The following JAZF1 variants were observed in gnomAD, a reference collection of about 807,000 sequenced individuals.
JAZF1 encodes the protein JAZF zinc finger 1.
A neutral mutation model predicts 26.4 loss-of-function variants in JAZF1; 8 were observed. The observed-to-expected ratio is 0.30, with a 90% CI of 0.18 to 0.55. The LOEUF (loss-of-function observed/expected upper bound fraction) is 0.55, where lower values mean the gene tolerates loss of function less well. Among genes scored for constraint, JAZF1 ranks in the 20% least tolerant of loss-of-function variants. The probability of loss-of-function intolerance (pLI) is 0.94; values close to 1 mark genes in which losing one functional copy is unlikely to be tolerated. For synonymous variants in JAZF1, 126 were observed against 122.3 expected (o/e 1.03, Z -0.20); for missense variants, 199 against 322.0 (o/e 0.62, Z 2.92).
At chr7:28,000,125 GAGTATTAGTTGCAGTATT>G (rs373522214) in intron 1 of JAZF1, among the ~76,000 whole-genome samples, 11 of 152,266 alleles carry the variant, frequency 7.2e-5, no homozygotes, top group African/African-American at 2.2e-4. Flanking sequence ...GTGAGTTGAA[GAGTATTAGTTGCAGTATT>G]AGTATTAGTT....
At chr7:27,944,160 T>C (rs1784893115) in intron 2 of JAZF1, among the ~76,000 whole-genome samples, 1 of 152,320 alleles carries the variant, frequency 6.6e-6, no homozygotes, top group African/African-American at 2.4e-5. Context: ...CTCTGAACAC[T>C]ACTACAAAAG....
intron 1 of JAZF1, among the ~76,000 whole-genome samples, chr7:27,998,217 A>T (rs1230525348): frequency 6.6e-6 from 1 of 152,178 alleles, no homozygotes. Flanking sequence ...TTATTGGGCC[A>T]GCATTTGGAC....
chr7:27,850,314 G>C (rs77945099), intron 3 of JAZF1, among the ~76,000 whole-genome samples: 1 of 152,146 alleles, frequency 6.6e-6, no homozygotes, highest in Non-Finnish European at 1.5e-5. Flanking sequence ...CTGGGACCAC[G>C]GGCCATGCCT....
At chr7:27,852,063 G>C (rs956363635) in intron 3 of JAZF1, among the ~76,000 whole-genome samples, 1 of 151,964 alleles carries the variant, frequency 6.6e-6, no homozygotes, top group Admixed American at 6.6e-5. Flanking sequence ...ATTCAAAAGT[G>C]AGCCTGTGTT....
chr7:27,929,847 C>T (rs763954586), intron 2 of JAZF1, among the ~76,000 whole-genome samples: 2 of 152,014 alleles, frequency 1.3e-5, no homozygotes, highest in Admixed American at 6.6e-5. Context: ...GAAAGATATA[C>T]CCCAAAATAT....
chr7:28,040,796 G>A (rs1036036974), intron 1 of JAZF1, among the ~76,000 whole-genome samples: 2 of 152,186 alleles, frequency 1.3e-5, no homozygotes, highest in African/African-American at 2.4e-5. Flanking sequence ...ATGGAATTCA[G>A]AGATGGATGC....
At chr7:27,943,459 G>A (rs1182170460) in intron 2 of JAZF1, among the ~76,000 whole-genome samples, 4 of 152,198 alleles carry the variant, frequency 2.6e-5, no homozygotes, top group Non-Finnish European at 5.9e-5. Context: ...GATCCGGGGA[G>A]ATGTGAGAAA....
intron 3 of JAZF1, among the ~76,000 whole-genome samples, chr7:27,848,003 C>T (rs1783060122): frequency 6.6e-6 from 1 of 152,114 alleles, no homozygotes; most frequent in African/African-American, 2.4e-5. Flanking sequence ...GTGATGCCTC[C>T]AACTTTACTT....
chr7:28,057,472 C>T (rs1352957796), intron 1 of JAZF1, among the ~76,000 whole-genome samples: 4 of 152,110 alleles, frequency 2.6e-5, no homozygotes, highest in Admixed American at 6.6e-5. Flanking sequence ...TCATTTAATC[C>T]TCAATCATCT....
At chr7:28,147,016 T>C (rs904950334) in intron 1 of JAZF1, among the ~76,000 whole-genome samples, 17 of 151,864 alleles carry the variant, frequency 1.1e-4, no homozygotes, top group African/African-American at 4.1e-4. Context: ...GCCACTACAC[T>C]TGGCTAATTT....
intron 1 of JAZF1, among the ~76,000 whole-genome samples, chr7:28,019,519 C>A (rs1267463608): frequency 6.6e-6 from 1 of 152,118 alleles, no homozygotes; most frequent in African/African-American, 2.4e-5. Context: ...TCACCCTGGA[C>A]CGTGGCCCTT....
intron 1 of JAZF1, among the ~76,000 whole-genome samples, chr7:28,177,349 A>G (rs888240399): frequency 6.6e-6 from 1 of 152,218 alleles, no homozygotes; most frequent in Non-Finnish European, 1.5e-5. Context: ...AAAACAGTTA[A>G]AAACAAAAGT....
intron 1 of JAZF1, among the ~76,000 whole-genome samples, chr7:28,119,618 TCG>T (rs1784805120): frequency 6.6e-6 from 1 of 152,190 alleles, no homozygotes; most frequent in Non-Finnish European, 1.5e-5. Context: ...CTATTTACAA[TCG>T]GCTGTCCACA....
intron 1 of JAZF1, among the ~76,000 whole-genome samples, chr7:28,178,913 A>G (rs1419160432): frequency 6.6e-6 from 1 of 152,246 alleles, no homozygotes; most frequent in Non-Finnish European, 1.5e-5. Flanking sequence ...GACGTTTCCC[A>G]TGATTATCTC....
intron 2 of JAZF1, among the ~76,000 whole-genome samples, chr7:27,932,216 C>T (rs1053408871): frequency 3.9e-5 from 6 of 152,166 alleles, no homozygotes; most frequent in Non-Finnish European, 7.3e-5. Flanking sequence ...ATAGGACTAA[C>T]GCAGTAAGTT....
At chr7:28,105,225 C>T (rs1025452533) in intron 1 of JAZF1, among the ~76,000 whole-genome samples, 14 of 152,248 alleles carry the variant, frequency 9.2e-5, no homozygotes, top group African/African-American at 3.4e-4. Flanking sequence ...TACCTGAAGA[C>T]AATTTTGCTG....
chr7:27,974,778 G>A (rs1342303680), intron 2 of JAZF1, among the ~76,000 whole-genome samples: 2 of 152,142 alleles, frequency 1.3e-5, no homozygotes, highest in African/African-American at 4.8e-5. Flanking sequence ...GAATACCTGA[G>A]ACTGGGTAAT....
chr7:27,939,229 A>C (rs1357503001), intron 2 of JAZF1, among the ~76,000 whole-genome samples: 1 of 152,216 alleles, frequency 6.6e-6, no homozygotes, highest in Non-Finnish European at 1.5e-5. Context: ...TCTCTGCTTA[A>C]AATATCAAAA....
At chr7:27,947,379 T>C (rs1784937039) in intron 2 of JAZF1, among the ~76,000 whole-genome samples, 1 of 152,184 alleles carries the variant, frequency 6.6e-6, no homozygotes. Flanking sequence ...AATATACTCT[T>C]TTTCTGATGG....
Sources: gnomAD v4.1 joint callset for allele counts (sites outside exome capture counted in the v4.1 genomes callset) on GRCh38, gnomAD v4.1.1 for gene constraint, MANE v1.5 for transcripts, NCBI Gene and HGNC (gene_info 2026-07-23, HGNC 2026-07-21) for gene names.